ADAM29: variants seen among roughly 807,000 people sequenced by gnomAD.
The protein encoded by ADAM29 is ADAM metallopeptidase domain 29, also known as disintegrin and metalloproteinase domain-containing protein 29.
For missense variants in ADAM29, 969 were observed against 1,001.8 expected (o/e 0.97, Z 0.44); for synonymous variants, 367 against 342.3 (o/e 1.07, Z -0.80).
At chr4:174,947,278 T>C (rs1219685113) in intron 4 of ADAM29, among the ~76,000 whole-genome samples, 5 of 152,098 alleles carry the variant, frequency 3.3e-5, no homozygotes, top group Admixed American at 3.3e-4. Context: ...TATTATTTCT[T>C]GTCTTCTGCT....
chr4:174,935,675 C>T (rs1744163511), intron 3 of ADAM29, among the ~76,000 whole-genome samples: 1 of 151,932 alleles, frequency 6.6e-6, no homozygotes, highest in South Asian at 2.1e-4. Context: ...CAATAGATTC[C>T]CAGTGCTGCA....
chr4:174,941,941 T>C (rs998141399), intron 4 of ADAM29, among the ~76,000 whole-genome samples: 13 of 152,170 alleles, frequency 8.5e-5, no homozygotes, highest in Non-Finnish European at 1.3e-4. Flanking sequence ...ATTGGGTATA[T>C]TTTTCCATTC....
chr4:174,936,501 C>T (rs1164796556), intron 3 of ADAM29, among the ~76,000 whole-genome samples: 1 of 151,712 alleles, frequency 6.6e-6, no homozygotes, highest in South Asian at 2.1e-4. Flanking sequence ...GTAAACTTGC[C>T]CCCTCACTCC....
At position 174,976,396 on chromosome 4, in the gene ADAM29, A is replaced by G; in HGVS notation, c.871A>G (p.Thr291Ala). 1.9e-6 allele frequency: 3 copies of G among 1,597,692 alleles called. No individual in the cohort carries two copies. Among genetic ancestry groups the G allele is most frequent in the Non-Finnish European group, 2.6e-6 (3 of 1,173,554 alleles). ...ACATGACACCTCACATCTTTTCACA[A>G]CTCTAGGATTAAGAGGGTTAAGTGG... ...MQHDTSHLFTTLGLRGLSGIG... is the reference protein window; with the variant it reads ...MQHDTSHLFTALGLRGLSGIG... The change falls in exon 5 of 5, where the codon ACT becomes GCT. Residue 291 changes from threonine (T) to alanine (A), a missense_variant. Physicochemically the swap from Thr to Ala is moderately conservative, Grantham distance 58 (BLOSUM62 0). Transcript: ENST00000359240.
intron 4 of ADAM29, among the ~76,000 whole-genome samples, chr4:174,968,217 A>C (rs915345432): frequency 6.6e-6 from 1 of 152,160 alleles, no homozygotes; most frequent in African/African-American, 2.4e-5. Context: ...CAAAGTGTGC[A>C]TTCACTGTCA....
rs913011041 is a variant in ADAM29 at position 174,920,767 on chromosome 4, C to T, written c.-476C>T. The T allele has an allele frequency of 2.6e-5, 4 of 152,008 alleles. No individual in the cohort carries two copies. The highest frequency in any genetic ancestry group is 9.7e-5 in the African/African-American group (4 of 41,388). The allele number at this position is 152,008 out of a possible 1,614,324, so 9.4% of individuals were successfully genotyped here. ...TGGGATGGTTCATGATTTCGAAAAG[C>T]TTCAGAGAAAATAAAGATGCTTAAT... is the stretch of plus-strand genomic sequence containing the variant. On this transcript the variant is annotated 5_prime_UTR_variant, in exon 2 of 5. Transcript: ENST00000359240.
At chr4:174,932,921 A>T (rs1018987823) in intron 3 of ADAM29, among the ~76,000 whole-genome samples, 10 of 152,194 alleles carry the variant, frequency 6.6e-5, no homozygotes, top group African/African-American at 2.4e-4. Flanking sequence ...TAGGAAACCT[A>T]AAAATCTCCC....
At chr4:174,967,013 G>T (rs1322811766) in intron 4 of ADAM29, among the ~76,000 whole-genome samples, 2 of 152,074 alleles carry the variant, frequency 1.3e-5, no homozygotes, top group Non-Finnish European at 2.9e-5. Context: ...GTACATACTT[G>T]TATAGAAAAT....
intron 2 of ADAM29, among the ~76,000 whole-genome samples, chr4:174,923,560 T>TATATATATATAG (rs70947473): frequency 0.024 from 2,787 of 115,562 alleles, 144 homozygotes; most frequent in Middle Eastern, 0.033. Flanking sequence ...TATATATATA[T>TATATATATATAG]ACACACACAC....
At chr4:174,929,551 G>C (rs1306481735) in intron 2 of ADAM29, among the ~76,000 whole-genome samples, 1 of 152,062 alleles carries the variant, frequency 6.6e-6, no homozygotes, top group Non-Finnish European at 1.5e-5. Flanking sequence ...TTGAATCCCA[G>C]GTTCCACACA....
intron 4 of ADAM29, among the ~76,000 whole-genome samples, chr4:174,956,174 C>T (rs575719274): frequency 6.6e-6 from 1 of 152,084 alleles, no homozygotes; most frequent in African/African-American, 2.4e-5. Flanking sequence ...TCCTCCTCAT[C>T]GATATTTGGT....
chr4:174,968,269 A>G (rs900370291), intron 4 of ADAM29, among the ~76,000 whole-genome samples: 1 of 152,148 alleles, frequency 6.6e-6, no homozygotes, highest in Admixed American at 6.5e-5. Flanking sequence ...AGACCTATCA[A>G]GCAGGAGGAC....
intron 2 of ADAM29, among the ~76,000 whole-genome samples, chr4:174,921,761 T>G (rs554878454): frequency 6.6e-6 from 1 of 152,200 alleles, no homozygotes; most frequent in Admixed American, 6.5e-5. Flanking sequence ...AGGTGTATTA[T>G]TAACTGCTAC....
chr4:174,958,311 T>C (rs1745622959), intron 4 of ADAM29, among the ~76,000 whole-genome samples: 1 of 151,766 alleles, frequency 6.6e-6, no homozygotes, highest in Non-Finnish European at 1.5e-5. Flanking sequence ...TATCAGGTTT[T>C]CCCTCAAATA....
chr4:174,959,457 CTGTGTGTG>C (rs34184384), intron 4 of ADAM29, among the ~76,000 whole-genome samples: 4 of 145,702 alleles, frequency 2.7e-5, no homozygotes, highest in Middle Eastern at 3.5e-3. Flanking sequence ...ATGAGAAAGA[CTGTGTGTG>C]TGTGTGTGTG....
At position 174,977,335 on chromosome 4, in the gene ADAM29, T is replaced by C. The variant is rs1168562541; in HGVS notation, c.1810T>C (p.Cys604Arg). 1 of 1,613,244 alleles carries C rather than the reference T, an allele frequency of 6.2e-7. No individual in the cohort carries two copies. The highest frequency in any genetic ancestry group is 2.2e-5 in the East Asian group (1 of 44,856). ...TGGTGAAGTGAAAGATGGAACAGAG[T>C]GTGGGATAGATCATATATGCATCCA... Reference protein sequence around the residue: ...DIGEVKDGTECGIDHICIHRH... With the variant: ...DIGEVKDGTERGIDHICIHRH... Residue 604 changes from cysteine (C) to arginine (R), a missense_variant, in exon 5 of 5, where the codon TGT becomes CGT. Physicochemically the swap from Cys to Arg is radical, Grantham distance 180. Transcript: ENST00000359240.
At chr4:174,961,211 T>C (rs1745800389) in intron 4 of ADAM29, among the ~76,000 whole-genome samples, 1 of 151,984 alleles carries the variant, frequency 6.6e-6, no homozygotes, top group East Asian at 1.9e-4. Context: ...AAACTTCTCA[T>C]TATATTGCTA....
chr4:174,924,981 T>C (rs1171185167), intron 2 of ADAM29, among the ~76,000 whole-genome samples: 2 of 152,194 alleles, frequency 1.3e-5, no homozygotes, highest in African/African-American at 2.4e-5. Flanking sequence ...TGCCTTGATA[T>C]GATAAAAGGC....
intron 2 of ADAM29, among the ~76,000 whole-genome samples, chr4:174,928,076 G>T (rs1743620358): frequency 6.6e-6 from 1 of 152,094 alleles, no homozygotes; most frequent in Admixed American, 6.6e-5. Context: ...AAATCAGTTT[G>T]TCTTCCTCTT....
Sources: allele counts gnomAD v4.1 joint callset (sites outside exome capture counted in the v4.1 genomes callset), GRCh38; gene constraint gnomAD v4.1.1; transcripts MANE v1.5; gene names NCBI Gene and HGNC (gene_info 2026-07-23, HGNC 2026-07-21).